FCHSD2: variants seen among roughly 807,000 people sequenced by gnomAD.
The protein encoded by FCHSD2 is FCH and double SH3 domains 2, also known as F-BAR and double SH3 domains protein 2.
In FCHSD2, 38 loss-of-function variants were observed where a neutral mutation model predicts 108.1. That is an observed-to-expected ratio of 0.35 (90% confidence interval 0.27 to 0.46). The LOEUF (loss-of-function observed/expected upper bound fraction) is 0.46. Among genes scored for constraint, FCHSD2 ranks in the 20% least tolerant of loss-of-function variants. The pLI is 1.00. For missense variants in FCHSD2, 751 were observed against 897.8 expected (o/e 0.84, Z 2.09); for synonymous variants, 279 against 314.7 (o/e 0.89, Z 1.20).
intron 9 of FCHSD2, among the ~76,000 whole-genome samples, chr11:72,906,953 C>G (rs1266451673): frequency 6.6e-6 from 1 of 152,126 alleles, no homozygotes; most frequent in Non-Finnish European, 1.5e-5. Flanking sequence ...TTTTCCAATT[C>G]TGTGAAAAAC....
Position 72,990,598 on chromosome 11 carries a change from G to C in FCHSD2, c.388-1501C>G, listed in dbSNP as rs1565357301. On this transcript the variant is annotated intron_variant, in intron 5 of 19. Transcript: ENST00000409418. ...CATGCAAACTGAACAACCTGCTCCTGAATGACTACTGGGTACATAATGAAA... is the reference window on the plus strand; with the variant it reads ...CATGCAAACTGAACAACCTGCTCCTCAATGACTACTGGGTACATAATGAAA... Among the ~76,000 whole-genome samples the C allele has an allele frequency of 2.6e-5, 4 of 152,314 alleles. No homozygotes were observed. The South Asian group carries it at 6.2e-4, about 24-fold the overall frequency.
intron 1 of FCHSD2, among the ~76,000 whole-genome samples, chr11:73,141,544 C>T (rs1023597848): frequency 2.0e-5 from 3 of 152,266 alleles, no homozygotes; most frequent in African/African-American, 7.2e-5. Flanking sequence ...CCCCTCGGTG[C>T]AGCCCCGAGA....
chr11:72,876,472 T>C (rs893274380), intron 12 of FCHSD2, among the ~76,000 whole-genome samples: 8 of 152,290 alleles, frequency 5.3e-5, no homozygotes, highest in Middle Eastern at 3.4e-3. Context: ...CTCCAATTAT[T>C]TGGGTATTTT....
At chr11:73,105,696 T>C (rs1427041914) in intron 2 of FCHSD2, among the ~76,000 whole-genome samples, 5 of 152,202 alleles carry the variant, frequency 3.3e-5, no homozygotes, top group African/African-American at 9.6e-5. Flanking sequence ...AAATATGTGG[T>C]ACAAAAACTC....
chr11:72,941,647 TCATC>T (rs1167853288), intron 8 of FCHSD2, among the ~76,000 whole-genome samples: 1 of 152,164 alleles, frequency 6.6e-6, no homozygotes, highest in Non-Finnish European at 1.5e-5. Flanking sequence ...TTCTTTACCT[TCATC>T]CAGATTGTTG....
intron 10 of FCHSD2, among the ~76,000 whole-genome samples, chr11:72,890,442 T>A (rs913672855): frequency 1.3e-5 from 2 of 152,134 alleles, no homozygotes; most frequent in African/African-American, 4.8e-5. Flanking sequence ...CAGACGGAAC[T>A]CTTTAGAGGT....
At chr11:72,968,700 G>A (rs917182403) in intron 8 of FCHSD2, among the ~76,000 whole-genome samples, 1 of 152,172 alleles carries the variant, frequency 6.6e-6, no homozygotes, top group African/African-American at 2.4e-5. Flanking sequence ...GTTCTTGGCA[G>A]GGTTAAAGGC....
intron 3 of FCHSD2, among the ~76,000 whole-genome samples, chr11:73,036,321 A>G (rs1029119447): frequency 4.0e-5 from 6 of 151,790 alleles, no homozygotes; most frequent in Non-Finnish European, 7.4e-5. Context: ...AGGAAATAAA[A>G]GACAAAAAAA....
intron 5 of FCHSD2, among the ~76,000 whole-genome samples, chr11:72,991,609 C>G (rs569004417): frequency 6.6e-6 from 1 of 152,072 alleles, no homozygotes; most frequent in Non-Finnish European, 1.5e-5. Context: ...GTTCAACATA[C>G]GCAAATCAAT....
chr11:73,138,742 G>T (rs1208645875), intron 2 of FCHSD2, among the ~76,000 whole-genome samples: 1 of 151,700 alleles, frequency 6.6e-6, no homozygotes, highest in Non-Finnish European at 1.5e-5. Context: ...TGAGTAGCTA[G>T]GACTACAGGC....
chr11:73,115,730 T>C (rs1860587530), intron 2 of FCHSD2, among the ~76,000 whole-genome samples: 2 of 152,218 alleles, frequency 1.3e-5, no homozygotes, highest in South Asian at 2.1e-4. Context: ...CAAACTGAGA[T>C]AGGAGTTGAT....
At chr11:72,874,302 G>A (rs961080220) in intron 12 of FCHSD2, among the ~76,000 whole-genome samples, 1 of 152,062 alleles carries the variant, frequency 6.6e-6, no homozygotes, top group African/African-American at 2.4e-5. Context: ...TCCTCCTACT[G>A]TAGCCTTCCC....
chr11:72,994,378 G>GA (rs1857481387), intron 5 of FCHSD2, among the ~76,000 whole-genome samples: 1 of 152,088 alleles, frequency 6.6e-6, no homozygotes, highest in Non-Finnish European at 1.5e-5. Flanking sequence ...ACGACTCTAT[G>GA]AAAAAGGTAG....
intron 13 of FCHSD2, among the ~76,000 whole-genome samples, chr11:72,859,668 G>C (rs1201361992): frequency 3.9e-5 from 6 of 152,144 alleles, no homozygotes; most frequent in Admixed American, 3.9e-4. Context: ...ATGAAGAAGA[G>C]AGAGATGCGC....
At chr11:72,984,911 T>A in intron 7 of FCHSD2, 151 bp downstream of exon 7, 1 of 508,102 alleles carries the variant, frequency 2.0e-6, no homozygotes, top group Non-Finnish European at 3.6e-6. Flanking sequence ...AAAACCCCCA[T>A]GAACTGGGAG....
At chr11:72,845,020 GT>G (rs1861081219) in intron 14 of FCHSD2, among the ~76,000 whole-genome samples, 3 of 152,282 alleles carry the variant, frequency 2.0e-5, no homozygotes, top group African/African-American at 4.8e-5. Flanking sequence ...TAATAAAAAT[GT>G]TTTTCATGGC....
At chr11:73,132,551 T>C (rs1041415062) in intron 2 of FCHSD2, among the ~76,000 whole-genome samples, 4 of 152,076 alleles carry the variant, frequency 2.6e-5, no homozygotes, top group Non-Finnish European at 5.9e-5. Context: ...AGACAGGCAC[T>C]GTGACTCATG....
chr11:73,065,276 T>C (rs902428477), intron 3 of FCHSD2, among the ~76,000 whole-genome samples: 2 of 152,206 alleles, frequency 1.3e-5, no homozygotes, highest in Non-Finnish European at 1.5e-5. Context: ...TCTCAATAGA[T>C]GCAGAAAAGG....
chr11:73,123,720 G>A (rs897318557), intron 2 of FCHSD2, among the ~76,000 whole-genome samples: 9 of 152,132 alleles, frequency 5.9e-5, no homozygotes, highest in Admixed American at 5.2e-4. Context: ...ACATCACAGA[G>A]GCTGGAGAGT....
Sources: gnomAD v4.1 joint callset for allele counts (sites outside exome capture counted in the v4.1 genomes callset) on GRCh38, gnomAD v4.1.1 for gene constraint, MANE v1.5 for transcripts, NCBI Gene and HGNC (gene_info 2026-07-23, HGNC 2026-07-21) for gene names.